Variants in FBXL7 observed in about 807,000 individuals in gnomAD.
FBXL7 encodes F-box/LRR-repeat protein 7.
A neutral mutation model predicts 38.3 loss-of-function variants in FBXL7; 12 were observed. That is an observed-to-expected ratio of 0.31 (90% CI 0.20 to 0.51). The LOEUF (loss-of-function observed/expected upper bound fraction) is 0.51, where lower values mean the gene tolerates loss of function less well. Ranked by LOEUF, FBXL7 falls within the 20% of genes least tolerant of loss-of-function variation. FBXL7 has a pLI of 0.98. For synonymous variants in FBXL7, 297 were observed against 300.9 expected, an observed-to-expected ratio of 0.99 and a Z score of 0.13; for missense variants, 567 against 676.4, an observed-to-expected ratio of 0.84 and a Z score of 1.79.
At chr5:15,920,027 T>C (rs764965493) in intron 2 of FBXL7, among the ~76,000 whole-genome samples, 3 of 152,132 alleles carry the variant, frequency 2.0e-5, no homozygotes, top group Non-Finnish European at 2.9e-5. Flanking sequence ...GGGAGGCTGA[T>C]GTGGGCAGAT....
At chr5:15,654,253 A>C (rs1378486222) in intron 2 of FBXL7, among the ~76,000 whole-genome samples, 1 of 152,196 alleles carries the variant, frequency 6.6e-6, no homozygotes, top group Non-Finnish European at 1.5e-5. Context: ...AAAGTTGGCA[A>C]CTGATGGAAT....
chr5:15,749,156 A>C (rs897710769), intron 2 of FBXL7, among the ~76,000 whole-genome samples: 1 of 149,566 alleles, frequency 6.7e-6, no homozygotes, highest in Non-Finnish European at 1.5e-5. Flanking sequence ...GAGGCAGGAG[A>C]ATTGCTTGAG....
chr5:15,889,440 T>C (rs1011625726), intron 2 of FBXL7, among the ~76,000 whole-genome samples: 15 of 152,342 alleles, frequency 9.8e-5, no homozygotes, highest in Admixed American at 2.0e-4. Context: ...ATTTTCCTAT[T>C]GAACCAAAGT....
chr5:15,687,206 A>G (rs1468114874), intron 2 of FBXL7, among the ~76,000 whole-genome samples: 1 of 152,284 alleles, frequency 6.6e-6, no homozygotes, highest in African/African-American at 2.4e-5. Context: ...CCTTTATAGG[A>G]AACCCTATAT....
At chr5:15,769,747 A>AAC (rs1554020435) in intron 2 of FBXL7, among the ~76,000 whole-genome samples, 1 of 151,324 alleles carries the variant, frequency 6.6e-6, no homozygotes, top group Non-Finnish European at 1.5e-5. Flanking sequence ...AAAAAAAAAA[A>AAC]CACTGGTGAG....
In FBXL7 at chr5:15,936,685, C is replaced by T. The variant is rs1438910566; in HGVS notation, c.975C>T (p.Ser325=). ...GLRYLVIYCA[S]IKELSVSDCR... ...GCTACCTGGTGATCTACTGCGCCTC[C>T]ATCAAGGAGCTGAGCGTCAGCGACT... Residue 325 remains serine, a synonymous_variant, in exon 4 of 4, where the codon TCC becomes TCT. Coordinates refer to ENST00000504595, the MANE Select transcript of FBXL7 (RefSeq NM_012304.5). This position sits in a 1 kb window ranked among gnomAD's most constrained non-coding sequence, Gnocchi z 6.0. 1.2e-6 allele frequency: 2 copies of T among 1,608,394 alleles called. No individual in the cohort carries two copies. The highest frequency in any genetic ancestry group is 2.7e-5 in the African/African-American group (2 of 74,944).
chr5:15,854,054 A>G (rs1739182027), intron 2 of FBXL7, among the ~76,000 whole-genome samples: 1 of 152,196 alleles, frequency 6.6e-6, no homozygotes, highest in Non-Finnish European at 1.5e-5. Flanking sequence ...AATAAAGTGG[A>G]CCACTTGGGA....
chr5:15,696,011 C>T (rs1168058133), intron 2 of FBXL7, among the ~76,000 whole-genome samples: 3 of 152,220 alleles, frequency 2.0e-5, no homozygotes, highest in Non-Finnish European at 4.4e-5. Flanking sequence ...GCAAAAGAGG[C>T]ATGTCCACTG....
chr5:15,538,462 A>G (rs1181358268), intron 1 of FBXL7, among the ~76,000 whole-genome samples: 2 of 152,346 alleles, frequency 1.3e-5, no homozygotes, highest in East Asian at 1.9e-4. Context: ...GAAAATGCCA[A>G]TAAACCCCTT....
chr5:15,629,032 C>A (rs576693907), intron 2 of FBXL7, among the ~76,000 whole-genome samples: 1 of 151,684 alleles, frequency 6.6e-6, no homozygotes, highest in Non-Finnish European at 1.5e-5. Context: ...AATCTGTGCA[C>A]TTTGGGAGGC....
At chr5:15,898,673 C>A (rs1003089919) in intron 2 of FBXL7, among the ~76,000 whole-genome samples, 1 of 152,228 alleles carries the variant, frequency 6.6e-6, no homozygotes, top group African/African-American at 2.4e-5. Context: ...CAGTTCTTCA[C>A]CTGAAATAGT....
At chr5:15,765,132 G>T (rs1177128622) in intron 2 of FBXL7, among the ~76,000 whole-genome samples, 5 of 152,052 alleles carry the variant, frequency 3.3e-5, no homozygotes, top group African/African-American at 1.2e-4. Flanking sequence ...TTCAAAAAAT[G>T]TTCATCTGTA....
chr5:15,616,000 A>G lies in FBXL7; in HGVS notation c.55A>G (p.Ile19Val). ...YGSEGKGSSS[I>V]SSDVSSSTDH... ...TCTTCCAGGCAAAGGCAGCTCGAGCATCTCATCTGACGTGAGTTCAAGTAC... is the reference window on the plus strand; with the variant it reads ...TCTTCCAGGCAAAGGCAGCTCGAGCGTCTCATCTGACGTGAGTTCAAGTAC... The change falls in exon 2 of 4, where the codon ATC becomes GTC. Residue 19 changes from isoleucine (I) to valine (V), a missense_variant. Ile to Val is a conservative substitution (Grantham distance 29). Coordinates refer to ENST00000504595, the MANE Select transcript of FBXL7 (RefSeq NM_012304.5). 6.2e-7 allele frequency: 1 copy of G among 1,612,970 alleles called. No homozygotes were observed. Among genetic ancestry groups the G allele is most frequent in the Non-Finnish European group, 8.5e-7 (1 of 1,179,282 alleles).
chr5:15,622,019 G>A, intron 2 of FBXL7, among the ~76,000 whole-genome samples: 1 of 152,146 alleles, frequency 6.6e-6, no homozygotes, highest in East Asian at 1.9e-4. Flanking sequence ...AGGAACAGCA[G>A]TAGAAAGACA....
At chr5:15,917,694 G>T (rs139391938) in intron 2 of FBXL7, among the ~76,000 whole-genome samples, 1 of 140,452 alleles carries the variant, frequency 7.1e-6, no homozygotes, top group African/African-American at 2.7e-5. Context: ...AGGAAGGAAG[G>T]AAGAAAGAAA....
chr5:15,524,284 A>C (rs1041735176), intron 1 of FBXL7, among the ~76,000 whole-genome samples: 1 of 152,130 alleles, frequency 6.6e-6, no homozygotes, highest in African/African-American at 2.4e-5. Context: ...ACAAAACTTG[A>C]CCAAAGCAGC....
At chr5:15,688,965 G>T (rs1743098474) in intron 2 of FBXL7, among the ~76,000 whole-genome samples, 1 of 152,188 alleles carries the variant, frequency 6.6e-6, no homozygotes. Context: ...GGTTCAGAAA[G>T]AAAGGTCCTT....
intron 2 of FBXL7, among the ~76,000 whole-genome samples, chr5:15,640,777 G>T (rs1741340714): frequency 6.6e-6 from 1 of 152,194 alleles, no homozygotes; most frequent in Non-Finnish European, 1.5e-5. Context: ...GCCCACCTTG[G>T]CCTCCCAAAG....
intron 1 of FBXL7, chr5:15,501,866 ATG>A (rs70938014): frequency 0.039 from 8,768 of 224,232 alleles, 198 homozygotes; most frequent in South Asian, 0.082. Flanking sequence ...GTGCATGTGT[ATG>A]TGTGTGTGTG....
Sources: allele counts gnomAD v4.1 joint callset (sites outside exome capture counted in the v4.1 genomes callset), GRCh38; gene constraint gnomAD v4.1.1; non-coding constraint Gnocchi (gnomAD v3.1); transcripts MANE v1.5; gene names NCBI Gene and HGNC (gene_info 2026-07-23, HGNC 2026-07-21).